SCAF8: variants seen among roughly 807,000 people sequenced by gnomAD.
The protein encoded by SCAF8 is SR-related and CTD-associated factor 8.
A neutral mutation model predicts 140.5 loss-of-function variants in SCAF8; 23 were observed. The ratio of observed to expected loss-of-function variants is 0.16; its 90% CI spans 0.12 to 0.23. The LOEUF (loss-of-function observed/expected upper bound fraction) is 0.23. Among genes scored for constraint, SCAF8 ranks in the 10% least tolerant of loss-of-function variants. SCAF8 has a pLI of 1.00. For missense variants in SCAF8, 1,397 were observed against 1,555.7 expected, an observed-to-expected ratio of 0.90 and a Z score of 1.72; for synonymous variants, 575 against 528.9, an observed-to-expected ratio of 1.09 and a Z score of -1.20.
chr6:154,781,777 G>T (rs1239259382), intron 3 of SCAF8, among the ~76,000 whole-genome samples: 2 of 152,170 alleles, frequency 1.3e-5, no homozygotes, highest in African/African-American at 4.8e-5. Flanking sequence ...GTGTTTTTGT[G>T]TGAATGTAAG....
At chr6:154,742,310 GAT>G (rs1450846550) in intron 1 of SCAF8, among the ~76,000 whole-genome samples, 2 of 151,980 alleles carry the variant, frequency 1.3e-5, no homozygotes, top group Non-Finnish European at 2.9e-5. Context: ...TTACAAAAGA[GAT>G]AGAACTATTT....
At chr6:154,829,953 A>G (rs767752080) in intron 18 of SCAF8, among the ~76,000 whole-genome samples, 32 of 152,328 alleles carry the variant, frequency 2.1e-4, no homozygotes, top group Middle Eastern at 3.4e-3. Context: ...TTGTTGGTTC[A>G]TTAGGAAGAA....
chr6:154,781,856 A>G (rs1487437194), intron 3 of SCAF8, among the ~76,000 whole-genome samples: 1 of 152,202 alleles, frequency 6.6e-6, no homozygotes, highest in East Asian at 1.9e-4. Context: ...GTTTTCCAAG[A>G]TGGCGGTACC....
intron 1 of SCAF8, among the ~76,000 whole-genome samples, chr6:154,739,693 C>G (rs1002948633): frequency 6.6e-6 from 1 of 152,120 alleles, no homozygotes; most frequent in African/African-American, 2.4e-5. Flanking sequence ...TTAAACTGTT[C>G]CAGGATGCAG....
chr6:154,819,627 T>G (rs1778355758), intron 14 of SCAF8, among the ~76,000 whole-genome samples: 1 of 151,278 alleles, frequency 6.6e-6, no homozygotes, highest in South Asian at 2.1e-4. Context: ...TCACCCCTCA[T>G]GTAGGTTGAC....
chr6:154,793,772 G>A (rs1282452666), intron 5 of SCAF8, among the ~76,000 whole-genome samples: 1 of 133,018 alleles, frequency 7.5e-6, no homozygotes, highest in Non-Finnish European at 1.5e-5. Context: ...GCGAGATCGC[G>A]CCGTTGCACT....
chr6:154,794,780 G>GGTGTGTGTGTGTGTGT, intron 5 of SCAF8, among the ~76,000 whole-genome samples: 1 of 12,536 alleles, frequency 8.0e-5, no homozygotes, highest in Non-Finnish European at 1.3e-4. Context: ...GGGTGTGGGG[G>GGTGTGTGTGTGTGTGT]GTGTGTGTGT....
In SCAF8 at chr6:154,810,037, AGGTCAC is replaced by A; in HGVS notation, c.1254_1259del (p.Arg419_Ser420del). 6.2e-7 allele frequency: 1 copy of A among 1,605,546 alleles called. No individual in the cohort carries two copies. The highest frequency in any genetic ancestry group is 8.5e-7 in the Non-Finnish European group (1 of 1,177,928). On this transcript the variant is annotated inframe_deletion, in exon 12 of 20. Transcript: ENST00000367178. ...TAGATCACCAAGAAAACGAAGGTCT[AGGTCAC>A]GGTCTGGCTCTAGAAAGCGTAAACA...
At chr6:154,817,829 T>C (rs887397918) in intron 13 of SCAF8, among the ~76,000 whole-genome samples, 4 of 152,190 alleles carry the variant, frequency 2.6e-5, no homozygotes, top group African/African-American at 9.6e-5. Flanking sequence ...ATATTAAGGA[T>C]AATTGTATGG....
rs71021076 is a variant in SCAF8, at chr6:154,767,529, C to CTTT, written c.31-6435_31-6433dup. 9.9e-5 allele frequency among the ~76,000 whole-genome samples: 9 copies of CTTT among 91,036 alleles called. 1 individual carries two copies. The highest frequency in any genetic ancestry group is 1.8e-4 in the Non-Finnish European group (8 of 45,326). The allele number at this position is 91,036 out of a possible 152,430, so 59.7% of individuals were successfully genotyped here. ...TGGCAGAAGCTGCTGCTTCTGTTAT[C>CTTT]TTTTTTTTTTTTTTTTTTTTTTTTT... On this transcript the variant is annotated intron_variant, in intron 1 of 19. Transcript: ENST00000367178.
intron 4 of SCAF8, among the ~76,000 whole-genome samples, chr6:154,791,479 T>C (rs1380636664): frequency 6.6e-6 from 1 of 152,132 alleles, no homozygotes; most frequent in African/African-American, 2.4e-5. Context: ...TAACAAGGCA[T>C]ATATCTCCCT....
At chr6:154,811,044 ATCT>A (rs1203073505) in intron 12 of SCAF8, among the ~76,000 whole-genome samples, 1 of 152,204 alleles carries the variant, frequency 6.6e-6, no homozygotes, top group East Asian at 1.9e-4. Context: ...GGCAATAGCC[ATCT>A]TCTTACTAAG....
chr6:154,822,866 C>A (rs891820528), intron 16 of SCAF8, among the ~76,000 whole-genome samples: 1 of 152,186 alleles, frequency 6.6e-6, no homozygotes, highest in African/African-American at 2.4e-5. Context: ...CCCCAGAAAT[C>A]TCTGCCCTTT....
At chr6:154,805,982 AT>A (rs1469479228) in intron 9 of SCAF8, among the ~76,000 whole-genome samples, 1 of 152,144 alleles carries the variant, frequency 6.6e-6, no homozygotes, top group Admixed American at 6.5e-5. Context: ...GCTTGTATAC[AT>A]TTAACCCTCA....
rs142779114 is a variant in SCAF8 at position 154,827,210 on chromosome 6, C to T, written c.2110C>T (p.Pro704Ser). Residue 704 changes from proline to serine, a missense_variant, in exon 18 of 20, where the codon CCC (proline) becomes TCC (serine). By Grantham distance (74) the Pro-to-Ser change is moderately conservative. This residue lies in a region of SCAF8 where 930 missense variants were observed against 874.6 expected (regional missense o/e 1.06). Coordinates refer to ENST00000367178, the MANE Select transcript of SCAF8 (RefSeq NM_014892.5). ...PPPVPPPVVP[P>S]PTIPPVVPTS... is the part of the protein sequence containing the mutation. ...TCCAGTTCCCCCACCTGTTGTGCCA[C>T]CCCCTACGATTCCACCAGTAGTACC... 1.3e-4 allele frequency: 213 copies of T among 1,605,242 alleles called. No individual in the cohort carries two copies. Among genetic ancestry groups the T allele is most frequent in the Non-Finnish European group, 1.7e-4 (204 of 1,176,368 alleles).
chr6:154,793,455 A>T (rs9478584), intron 5 of SCAF8, among the ~76,000 whole-genome samples: 63,905 of 151,368 alleles, frequency 0.42, 14,462 homozygotes, highest in East Asian at 0.9. Context: ...TTATGAAAAA[A>T]TTTTTTTCAT....
At chr6:154,796,019 T>C (rs546882551) in intron 6 of SCAF8, among the ~76,000 whole-genome samples, 2 of 152,312 alleles carry the variant, frequency 1.3e-5, no homozygotes, top group African/African-American at 4.8e-5. Context: ...TTTTCCGTTA[T>C]ATTATTTGTA....
At chr6:154,818,118 A>C (rs936041450) in intron 13 of SCAF8, among the ~76,000 whole-genome samples, 38 of 152,326 alleles carry the variant, frequency 2.5e-4, no homozygotes, top group African/African-American at 8.7e-4. Flanking sequence ...TGGCCATATA[A>C]TACTACTTTC....
At chr6:154,776,341 CAG>C (rs937304886) in intron 2 of SCAF8, among the ~76,000 whole-genome samples, 8 of 151,586 alleles carry the variant, frequency 5.3e-5, no homozygotes, top group African/African-American at 1.9e-4. Context: ...TTTTATCAAT[CAG>C]ATTTAAATGA....
Sources: allele counts gnomAD v4.1 joint callset (sites outside exome capture counted in the v4.1 genomes callset), GRCh38; gene constraint gnomAD v4.1.1; regional missense constraint gnomAD v4.1.1; transcripts MANE v1.5; gene names NCBI Gene and HGNC (gene_info 2026-07-23, HGNC 2026-07-21).